LHFPL3: variants seen among roughly 807,000 people sequenced by gnomAD.
The protein encoded by LHFPL3 is LHFPL tetraspan subfamily member 3 protein.
Under a neutral mutation model 19.3 loss-of-function variants are expected in LHFPL3, and 5 were observed. That is an observed-to-expected ratio of 0.26 (90% CI 0.14 to 0.54). LHFPL3 has a LOEUF of 0.54. Ranked by LOEUF, LHFPL3 falls within the 20% of genes least tolerant of loss-of-function variation. The pLI is 0.94. For missense variants in LHFPL3, 249 were observed against 307.4 expected (o/e 0.81, Z 1.42); for synonymous variants, 133 against 126.2 (o/e 1.05, Z -0.36).
At chr7:104,805,309 T>A (rs576537963) in intron 2 of LHFPL3, among the ~76,000 whole-genome samples, 1 of 152,270 alleles carries the variant, frequency 6.6e-6, no homozygotes, top group South Asian at 2.1e-4. Context: ...TAACATAATA[T>A]GAAGGTGCAG....
At chr7:104,506,977 T>C (rs1457585537) in intron 1 of LHFPL3, among the ~76,000 whole-genome samples, 2 of 152,216 alleles carry the variant, frequency 1.3e-5, no homozygotes, top group Non-Finnish European at 2.9e-5. Flanking sequence ...ACCACAGATA[T>C]GTGGACAGTC....
intron 2 of LHFPL3, among the ~76,000 whole-genome samples, chr7:104,846,177 A>G (rs61032565): frequency 0.024 from 3,644 of 152,286 alleles, 147 homozygotes; most frequent in African/African-American, 0.083. Flanking sequence ...TCCATTACCT[A>G]TATATCCAAA....
intron 1 of LHFPL3, among the ~76,000 whole-genome samples, chr7:104,431,553 C>A (rs974271844): frequency 6.6e-6 from 1 of 152,104 alleles, no homozygotes; most frequent in African/African-American, 2.4e-5. Flanking sequence ...TATTCTCCTG[C>A]ATTTATTTTT....
At chr7:104,499,532 G>C (rs1464692309) in intron 1 of LHFPL3, among the ~76,000 whole-genome samples, 1 of 152,170 alleles carries the variant, frequency 6.6e-6, no homozygotes, top group Non-Finnish European at 1.5e-5. Context: ...CTGCCAGCCT[G>C]GTTCCATGAC....
At chr7:104,708,611 T>C (rs1456321524) in intron 1 of LHFPL3, among the ~76,000 whole-genome samples, 1 of 152,204 alleles carries the variant, frequency 6.6e-6, no homozygotes, top group Non-Finnish European at 1.5e-5. Context: ...TACATTTTAA[T>C]ATTTATATAC....
At chr7:104,821,377 C>G (rs1015805939) in intron 2 of LHFPL3, among the ~76,000 whole-genome samples, 1 of 152,162 alleles carries the variant, frequency 6.6e-6, no homozygotes, top group Non-Finnish European at 1.5e-5. Flanking sequence ...TGAAGAGTTC[C>G]GATTCAGAAG....
intron 1 of LHFPL3, among the ~76,000 whole-genome samples, chr7:104,447,766 G>C (rs779700767): frequency 2.6e-5 from 4 of 151,878 alleles, no homozygotes; most frequent in Non-Finnish European, 5.9e-5. Context: ...AAACACTTGT[G>C]GGGATTTTTT....
intron 1 of LHFPL3, among the ~76,000 whole-genome samples, chr7:104,513,957 T>C (rs1446744864): frequency 6.6e-6 from 1 of 152,056 alleles, no homozygotes; most frequent in African/African-American, 2.4e-5. Context: ...AAGGTCAAGG[T>C]GTGTGTGTGG....
intron 1 of LHFPL3, among the ~76,000 whole-genome samples, chr7:104,536,449 C>T (rs568566713): frequency 6.6e-6 from 1 of 152,112 alleles, no homozygotes; most frequent in Admixed American, 6.5e-5. Flanking sequence ...ATCCCCAGGC[C>T]GATTGGAACA....
At chr7:104,421,464 GA>G (rs1791731604) in intron 1 of LHFPL3, among the ~76,000 whole-genome samples, 1 of 152,148 alleles carries the variant, frequency 6.6e-6, no homozygotes. Flanking sequence ...ATGCGGTAAA[GA>G]AACAAAATGT....
intron 1 of LHFPL3, among the ~76,000 whole-genome samples, chr7:104,566,048 C>G (rs1028282823): frequency 6.6e-6 from 1 of 151,942 alleles, no homozygotes; most frequent in Non-Finnish European, 1.5e-5. Context: ...TTTTGTGACT[C>G]GGAACTCACC....
chr7:104,533,405 T>A (rs1794339048), intron 1 of LHFPL3, among the ~76,000 whole-genome samples: 1 of 152,148 alleles, frequency 6.6e-6, no homozygotes, highest in Non-Finnish European at 1.5e-5. Flanking sequence ...CCCAGGATAA[T>A]CTCACCTACT....
At chr7:104,760,644 G>A (rs1045686507) in intron 2 of LHFPL3, among the ~76,000 whole-genome samples, 1 of 152,064 alleles carries the variant, frequency 6.6e-6, no homozygotes, top group Non-Finnish European at 1.5e-5. Flanking sequence ...GATAGTTATT[G>A]TGCATTCACC....
chr7:104,878,730 G>C (rs1045813316), intron 2 of LHFPL3, among the ~76,000 whole-genome samples: 13 of 152,316 alleles, frequency 8.5e-5, no homozygotes, highest in Admixed American at 8.5e-4. Context: ...CATGCCGAAA[G>C]CTGAGACAGG....
At chr7:104,748,014 A>T (rs968211074) in intron 2 of LHFPL3, among the ~76,000 whole-genome samples, 1 of 152,108 alleles carries the variant, frequency 6.6e-6, no homozygotes, top group Non-Finnish European at 1.5e-5. Flanking sequence ...ACTAAGAAAA[A>T]TTCTTCTGCC....
chr7:104,776,522 C>T (rs1794638986), intron 2 of LHFPL3, among the ~76,000 whole-genome samples: 1 of 152,196 alleles, frequency 6.6e-6, no homozygotes, highest in South Asian at 2.1e-4. Flanking sequence ...GAAGCCTCCA[C>T]CTCCACTGGG....
intron 2 of LHFPL3, among the ~76,000 whole-genome samples, chr7:104,740,732 G>A (rs987979081): frequency 1.3e-5 from 2 of 152,062 alleles, no homozygotes; most frequent in South Asian, 2.1e-4. Flanking sequence ...AGGGGAAACC[G>A]CCCCCATGAT....
intron 1 of LHFPL3, among the ~76,000 whole-genome samples, chr7:104,478,723 T>C (rs893515247): frequency 6.6e-6 from 1 of 152,198 alleles, no homozygotes; most frequent in Non-Finnish European, 1.5e-5. Flanking sequence ...TGGCTACTAA[T>C]CAAAGAGCCT....
chr7:104,740,180 G>T lies in LHFPL3; in HGVS notation c.682+3269G>T, dbSNP rs1361385918. 2.6e-5 allele frequency among the ~76,000 whole-genome samples: 4 copies of T among 152,098 alleles called. No homozygotes were observed. The East Asian group carries it at 7.7e-4, about 29-fold the overall frequency. Reference sequence around the variant, plus strand: ...CCACCATGATTGTAAGTTTCCTGAGGCCTCCCCAGCAATGTGGAACTGTGA... The same window carrying T: ...CCACCATGATTGTAAGTTTCCTGAGTCCTCCCCAGCAATGTGGAACTGTGA... On this transcript the variant is annotated intron_variant, in intron 2 of 2. Coordinates refer to ENST00000424859, the MANE Select transcript of LHFPL3 (RefSeq NM_199000.3).
Sources: gnomAD v4.1 joint callset for allele counts (sites outside exome capture counted in the v4.1 genomes callset) on GRCh38, gnomAD v4.1.1 for gene constraint, MANE v1.5 for transcripts, NCBI Gene and HGNC (gene_info 2026-07-23, HGNC 2026-07-21) for gene names.